The following ACSL3 variants were observed in gnomAD, a reference collection of about 807,000 sequenced individuals.
ACSL3 encodes acyl-CoA synthetase long chain family member 3.
In ACSL3, 34 loss-of-function variants were observed where a neutral mutation model predicts 84.7. The ratio of observed to expected loss-of-function variants is 0.40; its 90% CI spans 0.31 to 0.53. The LOEUF (loss-of-function observed/expected upper bound fraction) is 0.53, where lower values mean the gene tolerates loss of function less well. Ranked by LOEUF, ACSL3 falls within the 20% of genes least tolerant of loss-of-function variation. The pLI is 0.48. For synonymous variants in ACSL3, 315 were observed against 299.4 expected (o/e 1.05, Z -0.54); for missense variants, 680 against 873.1 (o/e 0.78, Z 2.79).
intron 1 of ACSL3, among the ~76,000 whole-genome samples, chr2:222,868,773 T>C (rs896265279): frequency 6.6e-6 from 1 of 151,970 alleles, no homozygotes; most frequent in Non-Finnish European, 1.5e-5. Flanking sequence ...GTGGCATGAG[T>C]CCAGCCTGGC....
chr2:222,895,023 T>C (rs1241483574), intron 2 of ACSL3, among the ~76,000 whole-genome samples: 1 of 152,162 alleles, frequency 6.6e-6, no homozygotes, highest in Non-Finnish European at 1.5e-5. Flanking sequence ...TCTGTAAATA[T>C]GTCTTCCTGT....
chr2:222,901,942 T>TC, intron 3 of ACSL3, among the ~76,000 whole-genome samples: 1 of 2,464 alleles, frequency 4.1e-4, no homozygotes, highest in South Asian at 0.029. Context: ...AGACTCGGTC[T>TC]CAAAAAAAAA....
intron 1 of ACSL3, among the ~76,000 whole-genome samples, chr2:222,868,631 A>G (rs1210758448): frequency 2.0e-5 from 3 of 152,134 alleles, no homozygotes; most frequent in Non-Finnish European, 4.4e-5. Context: ...CATTAACTAG[A>G]TTGTTATATT....
chr2:222,910,547 C>G (rs1490923148), intron 4 of ACSL3, among the ~76,000 whole-genome samples: 1 of 152,130 alleles, frequency 6.6e-6, no homozygotes, highest in Non-Finnish European at 1.5e-5. Context: ...TGCTTAACCT[C>G]CTCTATATAT....
intron 6 of ACSL3, 137 bp downstream of exon 6, chr2:222,918,292 T>A: frequency 2.1e-6 from 1 of 467,754 alleles, no homozygotes; most frequent in Admixed American, 4.0e-5. Context: ...CATACTTTAT[T>A]TTTTCCTTTA....
intron 1 of ACSL3, among the ~76,000 whole-genome samples, chr2:222,885,120 T>C (rs1449185280): frequency 6.6e-6 from 1 of 152,184 alleles, no homozygotes; most frequent in African/African-American, 2.4e-5. Flanking sequence ...AAATATTTGT[T>C]GAAGAGATTT....
At chr2:222,938,515 A>G (rs1050104296) in intron 16 of ACSL3, among the ~76,000 whole-genome samples, 1 of 152,150 alleles carries the variant, frequency 6.6e-6, no homozygotes, top group Non-Finnish European at 1.5e-5. Flanking sequence ...GATAAATGAT[A>G]GTTCAATGAG....
intron 6 of ACSL3, among the ~76,000 whole-genome samples, chr2:222,918,443 G>A (rs997773911): frequency 2.0e-5 from 3 of 151,560 alleles, no homozygotes; most frequent in Admixed American, 6.6e-5. Flanking sequence ...TTTACTTTTA[G>A]TAAATTTGTA....
intron 2 of ACSL3, among the ~76,000 whole-genome samples, chr2:222,891,915 C>CT (rs1330218615): frequency 6.6e-6 from 1 of 152,094 alleles, no homozygotes; most frequent in African/African-American, 2.4e-5. Flanking sequence ...TAAAGTGGAA[C>CT]TTTTTATCTA....
At position 222,933,098 on chromosome 2, in the gene ACSL3, A is replaced by G. The variant is rs561250982; in HGVS notation, c.1733-68A>G. 315 of 904,390 alleles carry G rather than the reference A, an allele frequency of 3.5e-4. 1 individual carries two copies. The South Asian group carries it at 5.0e-3, about 14-fold the overall frequency. 56.0% of individuals were successfully genotyped at this position (904,390 alleles called of 1,614,324 possible). On this transcript the variant is annotated intron_variant, in intron 14 of 16. Coordinates refer to ENST00000357430, the MANE Select transcript of ACSL3 (RefSeq NM_004457.5). Reference sequence around the variant, plus strand: ...TACTTAGAGAATGGCCAGTATTTATATATGTATTAAATGTTACTAATATTA... The same window carrying G: ...TACTTAGAGAATGGCCAGTATTTATGTATGTATTAAATGTTACTAATATTA...
Position 222,934,526 on chromosome 2 carries a change from TCA to T in ACSL3, c.1848-3_1848-2del. 6.5e-7 allele frequency: 1 copy of T among 1,548,156 alleles called. No individual in the cohort carries two copies. The highest frequency in any genetic ancestry group is 8.7e-7 in the Non-Finnish European group (1 of 1,145,716). On this transcript the variant is annotated splice_acceptor_variant and splice_polypyrimidine_tract_variant and intron_variant, in intron 15 of 16. Transcript: ENST00000357430. LOFTEE classifies it high-confidence loss of function. The stretch of plus-strand genomic sequence containing the variant: ...CCTTATCTGTTATCCTTTCTATATT[TCA>T]GTTATCATTCTTATGTCATTGGATT...
chr2:222,910,181 A>G (rs1252990817), intron 4 of ACSL3, among the ~76,000 whole-genome samples: 1 of 152,240 alleles, frequency 6.6e-6, no homozygotes, highest in Admixed American at 6.5e-5. Flanking sequence ...AATGAGGAAA[A>G]TTAGATCGTG....
At chr2:222,917,952 C>A in intron 5 of ACSL3, 94 bp from the exon 6 acceptor site, 1 of 879,194 alleles carries the variant, frequency 1.1e-6, no homozygotes. Flanking sequence ...TTTAGGGCTC[C>A]TAATGCGTTA....
chr2:222,863,753 C>G (rs1016904176), intron 1 of ACSL3, among the ~76,000 whole-genome samples: 3 of 151,984 alleles, frequency 2.0e-5, no homozygotes, highest in African/African-American at 7.3e-5. Flanking sequence ...TTTTTGATGG[C>G]TGGATTGGGA....
intron 1 of ACSL3, among the ~76,000 whole-genome samples, chr2:222,874,169 C>T (rs957858379): frequency 5.3e-5 from 8 of 151,930 alleles, no homozygotes; most frequent in East Asian, 3.9e-4. Context: ...ATTACAGGTG[C>T]GCACCACCAC....
At chr2:222,864,654 C>T (rs1033072590) in intron 1 of ACSL3, among the ~76,000 whole-genome samples, 4 of 152,142 alleles carry the variant, frequency 2.6e-5, no homozygotes, top group Admixed American at 6.5e-5. Flanking sequence ...GTGAGGAAAA[C>T]GGAGACAGAA....
intron 13 of ACSL3, among the ~76,000 whole-genome samples, chr2:222,929,646 T>TG (rs1696971134): frequency 2.0e-5 from 3 of 151,844 alleles, no homozygotes; most frequent in Admixed American, 1.3e-4. Flanking sequence ...GGCGTGGTGG[T>TG]GCGTGCCTGT....
At position 222,927,764 on chromosome 2, in the gene ACSL3, C is replaced by G. The variant is rs564487880; in HGVS notation, c.1465+575C>G. Among the ~76,000 whole-genome samples, 4 of 152,268 alleles carry G rather than the reference C, an allele frequency of 2.6e-5. No individual in the cohort carries two copies. The South Asian group carries it at 8.3e-4, about 32-fold the overall frequency. ...TTATGGGAGAAAGTTATTTTGCTTTCCGGTACAGGATACAGCTGTGCTTCT... is the reference window on the plus strand; with the variant it reads ...TTATGGGAGAAAGTTATTTTGCTTTGCGGTACAGGATACAGCTGTGCTTCT... On this transcript the variant is annotated intron_variant, in intron 12 of 16. Transcript: ENST00000357430.
chr2:222,872,281 C>T (rs961519655), intron 1 of ACSL3, among the ~76,000 whole-genome samples: 11 of 151,960 alleles, frequency 7.2e-5, no homozygotes, highest in African/African-American at 2.2e-4. Context: ...CCCACCACCA[C>T]GCCCGGCTAA....
Sources: allele counts gnomAD v4.1 joint callset (sites outside exome capture counted in the v4.1 genomes callset), GRCh38; gene constraint gnomAD v4.1.1; transcripts MANE v1.5; gene names NCBI Gene and HGNC (gene_info 2026-07-23, HGNC 2026-07-21).